The following ARL15 variants were observed in gnomAD, a reference collection of about 807,000 sequenced individuals.
The protein encoded by ARL15 is ADP-ribosylation factor-like protein 15.
A neutral mutation model predicts 25.2 loss-of-function variants in ARL15; 19 were observed. The ratio of observed to expected loss-of-function variants is 0.75; its 90% CI spans 0.53 to 1.10. ARL15 has a LOEUF of 1.10. Among genes scored for constraint, ARL15 ranks in the 50% least tolerant of loss-of-function variants. The pLI is 0.00. For synonymous variants in ARL15, 94 were observed against 86.8 expected, an observed-to-expected ratio of 1.08 and a Z score of -0.46; for missense variants, 220 against 246.0, an observed-to-expected ratio of 0.89 and a Z score of 0.71.
At chr5:54,210,959 G>C (rs253888) in intron 1 of ARL15, among the ~76,000 whole-genome samples, 15,842 of 152,092 alleles carry the variant, frequency 0.1, 905 homozygotes, top group African/African-American at 0.16. Flanking sequence ...ATTACTACCT[G>C]ACACTGTCAG....
chr5:54,133,966 T>G (rs1439803462), intron 3 of ARL15, among the ~76,000 whole-genome samples: 1 of 152,114 alleles, frequency 6.6e-6, no homozygotes, highest in African/African-American at 2.4e-5. Context: ...GAAAGTAAAT[T>G]TGCAGATAGG....
chr5:54,005,734 C>A (rs1161687270), intron 4 of ARL15, among the ~76,000 whole-genome samples: 1 of 151,856 alleles, frequency 6.6e-6, no homozygotes, highest in African/African-American at 2.4e-5. Context: ...TGGTGGCCGG[C>A]GCCTGTAGTC....
At chr5:53,985,357 G>T (rs1034443753) in intron 4 of ARL15, among the ~76,000 whole-genome samples, 1 of 152,084 alleles carries the variant, frequency 6.6e-6, no homozygotes, top group Non-Finnish European at 1.5e-5. Context: ...ACAGTTCAGC[G>T]CTATTAAATA....
At chr5:54,049,646 G>T (rs900049325) in intron 4 of ARL15, among the ~76,000 whole-genome samples, 1 of 152,030 alleles carries the variant, frequency 6.6e-6, no homozygotes, top group Non-Finnish European at 1.5e-5. Flanking sequence ...TGTCACCCAG[G>T]CTGGAGTGCA....
intron 4 of ARL15, among the ~76,000 whole-genome samples, chr5:54,102,211 C>T (rs1302779712): frequency 1.3e-5 from 2 of 152,010 alleles, no homozygotes; most frequent in Non-Finnish European, 2.9e-5. Flanking sequence ...TGGGTTTCAC[C>T]ATGTCGGCCA....
intron 4 of ARL15, among the ~76,000 whole-genome samples, chr5:54,049,261 C>T (rs1750633624): frequency 6.6e-6 from 1 of 152,042 alleles, no homozygotes; most frequent in Admixed American, 6.6e-5. Context: ...AAGACAGGAT[C>T]TTGCTCTGTC....
intron 4 of ARL15, among the ~76,000 whole-genome samples, chr5:54,077,800 AAGGGT>A (rs1418419484): frequency 2.0e-5 from 3 of 152,168 alleles, no homozygotes; most frequent in African/African-American, 7.2e-5. Flanking sequence ...TTTCTCAGGA[AAGGGT>A]AGGTATGTAA....
chr5:54,070,265 G>A (rs1482023753), intron 4 of ARL15, among the ~76,000 whole-genome samples: 1 of 151,872 alleles, frequency 6.6e-6, no homozygotes, highest in Non-Finnish European at 1.5e-5. Context: ...GGTGCCGGGC[G>A]CCTGTAGTCC....
At chr5:53,950,998 C>T (rs1468947527) in intron 4 of ARL15, among the ~76,000 whole-genome samples, 3 of 152,180 alleles carry the variant, frequency 2.0e-5, no homozygotes, top group African/African-American at 4.8e-5. Context: ...TCCCTGTTTT[C>T]ATATGGCCTG....
chr5:54,254,330 T>C (rs1308510206), intron 1 of ARL15, among the ~76,000 whole-genome samples: 1 of 152,220 alleles, frequency 6.6e-6, no homozygotes, highest in Non-Finnish European at 1.5e-5. Flanking sequence ...GCCTCTATTA[T>C]ATAAGGAGTC....
intron 4 of ARL15, among the ~76,000 whole-genome samples, chr5:54,110,583 A>C (rs1752711104): frequency 6.6e-6 from 1 of 152,024 alleles, no homozygotes; most frequent in South Asian, 2.1e-4. Flanking sequence ...AGATTAAAAT[A>C]CCATCTTTTT....
chr5:54,104,191 A>T (rs75681195), intron 4 of ARL15, among the ~76,000 whole-genome samples: 86 of 152,270 alleles, frequency 5.6e-4, no homozygotes, highest in African/African-American at 2.0e-3. Flanking sequence ...ATAGCTTTGC[A>T]ATCACTCTAG....
chr5:54,021,740 A>G (rs976746156), intron 4 of ARL15, among the ~76,000 whole-genome samples: 1 of 152,192 alleles, frequency 6.6e-6, no homozygotes, highest in Non-Finnish European at 1.5e-5. Context: ...AAATATCCCA[A>G]ATTTGGCAAA....
At chr5:54,063,218 T>C (rs1488046417) in intron 4 of ARL15, among the ~76,000 whole-genome samples, 1 of 152,228 alleles carries the variant, frequency 6.6e-6, no homozygotes, top group African/African-American at 2.4e-5. Flanking sequence ...TACAACTGGC[T>C]TATGCCTTGA....
intron 4 of ARL15, among the ~76,000 whole-genome samples, chr5:54,053,462 C>A (rs1750762432): frequency 6.6e-6 from 1 of 151,632 alleles, no homozygotes; most frequent in South Asian, 2.1e-4. Context: ...TAAGTATGAC[C>A]TGTTTCCAAA....
At chr5:54,058,874 C>T (rs1000783247) in intron 4 of ARL15, among the ~76,000 whole-genome samples, 11 of 152,092 alleles carry the variant, frequency 7.2e-5, no homozygotes, top group East Asian at 3.9e-4. Context: ...AGGAGCAAGG[C>T]GGGAGGAGGG....
chr5:54,074,249 T>C (rs1184965257), intron 4 of ARL15, among the ~76,000 whole-genome samples: 1 of 152,176 alleles, frequency 6.6e-6, no homozygotes, highest in Non-Finnish European at 1.5e-5. Context: ...CTGAGCCTCA[T>C]CTAAAGAAGG....
At chr5:54,103,464 A>C (rs961639487) in intron 4 of ARL15, among the ~76,000 whole-genome samples, 5 of 152,180 alleles carry the variant, frequency 3.3e-5, no homozygotes, top group African/African-American at 1.2e-4. Flanking sequence ...TATTGAAATA[A>C]TAGAGTCATG....
At chr5:53,952,393 G>T (rs1370468477) in intron 4 of ARL15, among the ~76,000 whole-genome samples, 3 of 151,926 alleles carry the variant, frequency 2.0e-5, no homozygotes, top group Admixed American at 6.6e-5. Context: ...CTTTCAAAAG[G>T]TTGAATAAAT....
Sources: allele counts gnomAD v4.1 joint callset (sites outside exome capture counted in the v4.1 genomes callset), GRCh38; gene constraint gnomAD v4.1.1; transcripts MANE v1.5; gene names NCBI Gene and HGNC (gene_info 2026-07-23, HGNC 2026-07-21).